DPYD: variants seen among roughly 807,000 people sequenced by gnomAD.
DPYD encodes dihydropyrimidine dehydrogenase [NADP(+)].
DPYD carries 109 observed loss-of-function variants against 116.2 expected under a neutral mutation model. The ratio of observed to expected loss-of-function variants is 0.94; its 90% CI spans 0.80 to 1.10. The LOEUF is 1.10. Among genes scored for constraint, DPYD ranks in the 50% least tolerant of loss-of-function variants. The pLI is 0.00. For synonymous variants in DPYD, 440 were observed against 432.0 expected (o/e 1.02, Z -0.23); for missense variants, 1,302 against 1,254.5 (o/e 1.04, Z -0.57).
chr1:97,625,043 C>G (rs1167555562), intron 8 of DPYD, among the ~76,000 whole-genome samples: 1 of 151,844 alleles, frequency 6.6e-6, no homozygotes, highest in East Asian at 1.9e-4. Context: ...TTATACTGCA[C>G]AGCACAGTGA....
At chr1:97,205,827 G>A (rs949020061) in intron 19 of DPYD, among the ~76,000 whole-genome samples, 2 of 151,954 alleles carry the variant, frequency 1.3e-5, no homozygotes, top group African/African-American at 4.8e-5. Context: ...TTGCCACAGT[G>A]TTCTTTACAT....
chr1:97,444,178 TG>T (rs1273758627), intron 14 of DPYD, among the ~76,000 whole-genome samples: 1 of 152,236 alleles, frequency 6.6e-6, no homozygotes, highest in Non-Finnish European at 1.5e-5. Context: ...TCAGATCATT[TG>T]TTTTCTTTTT....
chr1:97,170,267 G>T (rs140929256), intron 20 of DPYD, among the ~76,000 whole-genome samples: 2 of 152,246 alleles, frequency 1.3e-5, no homozygotes, highest in African/African-American at 4.8e-5. Flanking sequence ...TCCTTGGCAG[G>T]TATATCTAGG....
chr1:97,759,328 G>A (rs1665446115), intron 3 of DPYD, among the ~76,000 whole-genome samples: 1 of 152,026 alleles, frequency 6.6e-6, no homozygotes, highest in Admixed American at 6.6e-5. Context: ...TCATGTTTCT[G>A]GTTAATGCTT....
At chr1:97,618,174 C>T (rs1480933290) in intron 8 of DPYD, among the ~76,000 whole-genome samples, 1 of 152,102 alleles carries the variant, frequency 6.6e-6, no homozygotes, top group Non-Finnish European at 1.5e-5. Context: ...TGCCTTAGTA[C>T]TGTTCTAGAT....
intron 15 of DPYD, among the ~76,000 whole-genome samples, chr1:97,376,707 C>A (rs1671637495): frequency 6.6e-6 from 1 of 152,096 alleles, no homozygotes; most frequent in African/African-American, 2.4e-5. Flanking sequence ...TAGTCACAAG[C>A]TTTTTAGTTT....
rs548645644 is a variant in DPYD, at chr1:97,336,514, C to T, written c.2059-30217G>A. The stretch of plus-strand genomic sequence containing the variant: ...CTGTGGTTCCAGCACTTTGGGAGGC[C>T]GAGGTGGGCAGATCACCTGAGGTCA... On this transcript the variant is annotated intron_variant, in intron 16 of 22. Transcript: ENST00000370192. Among the ~76,000 whole-genome samples, 462 of 152,120 alleles carry T rather than the reference C, an allele frequency of 3.0e-3. 3 individuals are homozygous for T. Among genetic ancestry groups the T allele is most frequent in the Middle Eastern group, 3.4e-3 (1 of 294 alleles).
At chr1:97,896,616 A>G (rs1673084135) in intron 1 of DPYD, among the ~76,000 whole-genome samples, 1 of 151,864 alleles carries the variant, frequency 6.6e-6, no homozygotes, top group African/African-American at 2.4e-5. Context: ...GTATACCTAC[A>G]AAGCTGTGCA....
At chr1:97,552,729 C>A (rs1490878627) in intron 11 of DPYD, among the ~76,000 whole-genome samples, 2 of 151,980 alleles carry the variant, frequency 1.3e-5, no homozygotes, top group Admixed American at 6.6e-5. Flanking sequence ...TCAAACAATT[C>A]TTTGATACTC....
intron 14 of DPYD, among the ~76,000 whole-genome samples, chr1:97,408,084 C>A (rs936244634): frequency 6.6e-6 from 1 of 152,090 alleles, no homozygotes; most frequent in Non-Finnish European, 1.5e-5. Context: ...TATTACCATG[C>A]CCTATGATTA....
At chr1:97,405,864 G>A (rs924100355) in intron 14 of DPYD, among the ~76,000 whole-genome samples, 1 of 151,924 alleles carries the variant, frequency 6.6e-6, no homozygotes, top group Non-Finnish European at 1.5e-5. Flanking sequence ...TGCTCTTTAG[G>A]TCTTGTTAAG....
At chr1:97,817,647 T>C (rs1281983048) in intron 3 of DPYD, among the ~76,000 whole-genome samples, 1 of 152,088 alleles carries the variant, frequency 6.6e-6, no homozygotes, top group Non-Finnish European at 1.5e-5. Flanking sequence ...TCTTTAGTTG[T>C]AGAAAATGAC....
At chr1:97,344,262 A>T (rs1031451446) in intron 16 of DPYD, among the ~76,000 whole-genome samples, 2 of 151,948 alleles carry the variant, frequency 1.3e-5, no homozygotes, top group Non-Finnish European at 2.9e-5. Context: ...GAAGTAGGGC[A>T]GTATGATTCC....
chr1:97,793,026 A>G (rs886996684), intron 3 of DPYD, among the ~76,000 whole-genome samples: 17 of 152,380 alleles, frequency 1.1e-4, no homozygotes, highest in African/African-American at 3.8e-4. Flanking sequence ...ATAATAATGT[A>G]TCAATACTGG....
At chr1:97,312,200 T>C (rs1450210989) in intron 16 of DPYD, among the ~76,000 whole-genome samples, 2 of 151,768 alleles carry the variant, frequency 1.3e-5, no homozygotes, top group Admixed American at 6.6e-5. Context: ...CGCTAGTAAT[T>C]AGAAAAACAA....
intron 20 of DPYD, among the ~76,000 whole-genome samples, chr1:97,101,112 C>G (rs1207071646): frequency 6.7e-6 from 1 of 150,346 alleles, no homozygotes; most frequent in African/African-American, 2.5e-5. Flanking sequence ...AAAAAAAATA[C>G]CAAATATCAG....
chr1:97,627,888 A>G (rs528811504), intron 8 of DPYD, among the ~76,000 whole-genome samples: 22 of 152,104 alleles, frequency 1.4e-4, no homozygotes, highest in Non-Finnish European at 2.8e-4. Flanking sequence ...TAGGTTCAGG[A>G]AGGCAAAATT....
At chr1:97,701,386 T>C (rs1661590799) in intron 5 of DPYD, among the ~76,000 whole-genome samples, 1 of 151,554 alleles carries the variant, frequency 6.6e-6, no homozygotes, top group Non-Finnish European at 1.5e-5. Flanking sequence ...TAAATCACTA[T>C]AATCTCATTA....
intron 1 of DPYD, among the ~76,000 whole-genome samples, chr1:97,896,298 C>A (rs1372341130): frequency 6.6e-6 from 1 of 151,674 alleles, no homozygotes; most frequent in African/African-American, 2.4e-5. Flanking sequence ...TGGAAAAGGG[C>A]ATGAACAGAT....
Sources: allele counts gnomAD v4.1 joint callset (sites outside exome capture counted in the v4.1 genomes callset), GRCh38; gene constraint gnomAD v4.1.1; transcripts MANE v1.5; gene names NCBI Gene and HGNC (gene_info 2026-07-23, HGNC 2026-07-21).